RBMS3: variants seen among roughly 807,000 people sequenced by gnomAD.
The protein encoded by RBMS3 is RNA-binding motif, single-stranded-interacting protein 3.
A neutral mutation model predicts 66.8 loss-of-function variants in RBMS3; 27 were observed. The observed-to-expected ratio is 0.40, with a 90% CI of 0.30 to 0.56. RBMS3 has a LOEUF of 0.56. Among genes scored for constraint, RBMS3 ranks in the 20% least tolerant of loss-of-function variants. The pLI is 0.40. For missense variants in RBMS3, 513 were observed against 549.5 expected (o/e 0.93, Z 0.66); for synonymous variants, 188 against 183.0 (o/e 1.03, Z -0.22).
At chr3:29,669,077 C>G (rs1312335302) in intron 4 of RBMS3, among the ~76,000 whole-genome samples, 1 of 152,202 alleles carries the variant, frequency 6.6e-6, no homozygotes, top group Non-Finnish European at 1.5e-5. Flanking sequence ...AATGGAGGTG[C>G]CCCACGCCCT....
At chr3:29,531,096 A>G (rs2045336484) in intron 3 of RBMS3, among the ~76,000 whole-genome samples, 1 of 152,184 alleles carries the variant, frequency 6.6e-6, no homozygotes, top group Non-Finnish European at 1.5e-5. Flanking sequence ...AAAATTCAAC[A>G]GTGCCATCCC....
At chr3:29,596,261 T>C (rs2047939117) in intron 4 of RBMS3, among the ~76,000 whole-genome samples, 1 of 152,184 alleles carries the variant, frequency 6.6e-6, no homozygotes, top group Admixed American at 6.6e-5. Flanking sequence ...TTATATAATA[T>C]ATGAATTATG....
At chr3:29,776,868 A>G (rs543675521) in intron 6 of RBMS3, among the ~76,000 whole-genome samples, 1 of 152,072 alleles carries the variant, frequency 6.6e-6, no homozygotes, top group South Asian at 2.1e-4. Context: ...ATTAAATTAT[A>G]CATGTCCATG....
chr3:29,655,610 G>A (rs2050297807), intron 4 of RBMS3, among the ~76,000 whole-genome samples: 1 of 152,170 alleles, frequency 6.6e-6, no homozygotes, highest in Non-Finnish European at 1.5e-5. Flanking sequence ...TGAAAGTATA[G>A]CACATACAAT....
intron 6 of RBMS3, among the ~76,000 whole-genome samples, chr3:29,864,867 A>G (rs2059310328): frequency 1.4e-5 from 2 of 141,952 alleles, no homozygotes; most frequent in South Asian, 4.9e-4. Context: ...GGGGAAGGGG[A>G]AGAGAAGGAG....
chr3:29,376,605 T>C (rs1337383879), intron 1 of RBMS3, among the ~76,000 whole-genome samples: 1 of 151,860 alleles, frequency 6.6e-6, no homozygotes, highest in Non-Finnish European at 1.5e-5. Flanking sequence ...ACTTCGTCTC[T>C]ACTAAAAAAT....
intron 4 of RBMS3, among the ~76,000 whole-genome samples, chr3:29,625,096 C>T (rs944677488): frequency 6.6e-6 from 1 of 152,126 alleles, no homozygotes; most frequent in Non-Finnish European, 1.5e-5. Flanking sequence ...CTCCTGCCTC[C>T]ACATAAGACA....
rs147243687 is a variant in RBMS3 at position 29,579,469 on chromosome 3, A to C, written c.308-7645A>C. 8.4e-4 allele frequency among the ~76,000 whole-genome samples: 128 copies of C among 152,290 alleles called. 2 individuals are homozygous for C. The highest frequency in any genetic ancestry group is 3.0e-3 in the African/African-American group (124 of 41,564). On this transcript the variant is annotated intron_variant, in intron 3 of 14. Transcript: ENST00000383767. ...AAGTCTAGAGCAAGGGGGAGGGAAG[A>C]ATGGGACAGCCAGGAATGAAATTTT...
intron 12 of RBMS3, among the ~76,000 whole-genome samples, chr3:29,984,163 T>C (rs1698204251): frequency 6.6e-6 from 1 of 151,894 alleles, no homozygotes; most frequent in Non-Finnish European, 1.5e-5. Context: ...ATTAAGTTGA[T>C]CTTCAATCTC....
chr3:29,892,118 A>G (rs1412330123), intron 8 of RBMS3, among the ~76,000 whole-genome samples: 1 of 151,554 alleles, frequency 6.6e-6, no homozygotes, highest in African/African-American at 2.4e-5. Flanking sequence ...ATAATGTCCT[A>G]TTAGTGACCT....
chr3:29,844,961 A>G (rs987631220), intron 6 of RBMS3, among the ~76,000 whole-genome samples: 1 of 152,188 alleles, frequency 6.6e-6, no homozygotes. Flanking sequence ...TCTTGTGAAA[A>G]GGAGACCACA....
chr3:29,950,915 A>G (rs1052686154), intron 12 of RBMS3, among the ~76,000 whole-genome samples: 1 of 151,860 alleles, frequency 6.6e-6, no homozygotes, highest in African/African-American at 2.4e-5. Context: ...AGATGAATGA[A>G]TATACTTATT....
rs530110519 is a variant in RBMS3 at position 29,411,383 on chromosome 3, A to G, written c.76-23360A>G. Among the ~76,000 whole-genome samples the G allele has an allele frequency of 4.6e-5, 7 of 152,350 alleles. No homozygotes were observed. In the East Asian group the frequency reaches 1.3e-3, roughly 29 times the overall value. On this transcript the variant is annotated intron_variant, in intron 1 of 14. Coordinates refer to ENST00000383767, the MANE Select transcript of RBMS3 (RefSeq NM_001003793.3). ...TTTTGACAAATCCTCATTCTATAGC[A>G]AACAATGTATAAAGACATCTGACAT... is the stretch of plus-strand genomic sequence containing the variant.
intron 6 of RBMS3, among the ~76,000 whole-genome samples, chr3:29,843,130 T>A (rs1429515396): frequency 6.6e-6 from 1 of 152,270 alleles, no homozygotes; most frequent in African/African-American, 2.4e-5. Flanking sequence ...GGATGATACA[T>A]TTAAGTTCAA....
At chr3:29,417,225 A>G (rs9310898) in intron 1 of RBMS3, among the ~76,000 whole-genome samples, 10,905 of 151,988 alleles carry the variant, frequency 0.072, 824 homozygotes, top group African/African-American at 0.19. Context: ...TTTTATTCTA[A>G]ACAAATATTC....
intron 3 of RBMS3, among the ~76,000 whole-genome samples, chr3:29,548,033 G>T (rs1159823346): frequency 6.6e-6 from 1 of 152,000 alleles, no homozygotes; most frequent in African/African-American, 2.4e-5. Context: ...GACCTCAAGT[G>T]ATCTGCCCGC....
intron 12 of RBMS3, among the ~76,000 whole-genome samples, chr3:29,964,495 A>G (rs1444703633): frequency 6.6e-6 from 1 of 152,208 alleles, no homozygotes; most frequent in South Asian, 2.1e-4. Flanking sequence ...ATACTCATTC[A>G]CCATTTTATA....
At chr3:29,627,811 A>G (rs979967037) in intron 4 of RBMS3, among the ~76,000 whole-genome samples, 1 of 152,124 alleles carries the variant, frequency 6.6e-6, no homozygotes, top group African/African-American at 2.4e-5. Flanking sequence ...GAAGAGAGAG[A>G]GGAAGCAAGA....
At chr3:29,905,354 G>C (rs1163138029) in intron 10 of RBMS3, among the ~76,000 whole-genome samples, 5 of 151,924 alleles carry the variant, frequency 3.3e-5, no homozygotes, top group Admixed American at 2.6e-4. Flanking sequence ...TATGCTTATA[G>C]TAAATTTTGT....
Sources: gnomAD v4.1 joint callset for allele counts (sites outside exome capture counted in the v4.1 genomes callset) on GRCh38, gnomAD v4.1.1 for gene constraint, MANE v1.5 for transcripts, NCBI Gene and HGNC (gene_info 2026-07-23, HGNC 2026-07-21) for gene names.